The following LPAR5 variants were observed in gnomAD, a reference collection of about 807,000 sequenced individuals.
LPAR5 encodes lysophosphatidic acid receptor 5, also known as G protein-coupled receptor 92.
For synonymous variants in LPAR5, 271 were observed against 261.6 expected (o/e 1.04, Z -0.35); for missense variants, 544 against 521.8 (o/e 1.04, Z -0.41).
intron 1 of LPAR5, among the ~76,000 whole-genome samples, chr12:6,628,093 C>A (rs1239576516): frequency 1.4e-5 from 2 of 139,346 alleles, no homozygotes; most frequent in Non-Finnish European, 3.0e-5. Flanking sequence ...TCAATCTGGG[C>A]TCACTGCAAG....
chr12:6,632,529 C>T (rs946843518), intron 1 of LPAR5, among the ~76,000 whole-genome samples: 5 of 152,164 alleles, frequency 3.3e-5, no homozygotes, highest in South Asian at 2.1e-4. Flanking sequence ...GTTCAGGCAG[C>T]GCTGGGAGGA....
chr12:6,620,657 G>A lies in LPAR5; in HGVS notation c.592C>T (p.Leu198=). 1 of 1,557,556 alleles carries A rather than the reference G, an allele frequency of 6.4e-7. No individual in the cohort carries two copies. Among genetic ancestry groups the A allele is most frequent in the Non-Finnish European group, 8.7e-7 (1 of 1,151,104 alleles). Residue 198 remains leucine (L), a synonymous_variant, in exon 2 of 2, where the codon CTG becomes TTG. Transcript: ENST00000329858. This position sits in a 1 kb window ranked among gnomAD's most constrained non-coding sequence, Gnocchi z 6.8. ...LLPLVLLAEA[L]GFLLPLAAVV... ...GCCGCCAGGGGCAGCAGGAAGCCCA[G>A]CGCCTCGGCCAGCAGCACGAGGGGC...
intron 1 of LPAR5, among the ~76,000 whole-genome samples, chr12:6,626,082 C>T (rs1948937651): frequency 1.3e-5 from 2 of 151,932 alleles, no homozygotes; most frequent in South Asian, 4.2e-4. Flanking sequence ...CCAGCCTAGC[C>T]AACATGGTGA....
In LPAR5 at chr12:6,619,916, G is replaced by GC. The variant is rs1279588277; in HGVS notation, c.*213dup. On this transcript the variant is annotated 3_prime_UTR_variant, in exon 2 of 2. Coordinates refer to ENST00000329858, the MANE Select transcript of LPAR5 (RefSeq NM_020400.6). ...CACTTCCCACCGCTGGAGAAGGGGT[G>GC]CTCTGCGTGCTCACAGTTTAAAGAA... is the stretch of plus-strand genomic sequence containing the variant. 2.7e-6 allele frequency: 2 copies of GC among 732,660 alleles called. No homozygotes were observed. Among genetic ancestry groups the GC allele is most frequent in the African/African-American group, 3.5e-5 (2 of 57,720 alleles). The allele number at this position is 732,660 out of a possible 1,614,324, so 45.4% of individuals were successfully genotyped here.
At position 6,620,520 on chromosome 12, in the gene LPAR5, G is replaced by T; in HGVS notation, c.729C>A (p.Phe243Leu). ...TGTTGTAGGGCACGAAGCACAGCAG[G>T]AAGATGACGAGGTTAGCCAGCAGGA... ...VRLLLANLVI[F>L]LLCFVPYNST... Residue 243 changes from phenylalanine to leucine, a missense_variant, in exon 2 of 2, where the codon TTC (phenylalanine) becomes TTA (leucine). Physicochemically the swap from Phe to Leu is conservative, Grantham distance 22 (BLOSUM62 0). Transcript: ENST00000329858. The surrounding 1 kb of genome is among the most constrained non-coding windows in gnomAD (Gnocchi z 6.8). 1 of 1,580,874 alleles carries T rather than the reference G, an allele frequency of 6.3e-7. No individual in the cohort carries two copies.
chr12:6,635,262 A>G (rs938510983), intron 1 of LPAR5, among the ~76,000 whole-genome samples: 1 of 152,092 alleles, frequency 6.6e-6, no homozygotes, highest in Admixed American at 6.6e-5. Flanking sequence ...ACCTCCGAAT[A>G]TGTCCCCCAC....
Position 6,620,500 on chromosome 12 carries a change from T to C in LPAR5, c.749A>G (p.Tyr250Cys), listed in dbSNP as rs1238958371. The change falls in exon 2 of 2, where the codon TAC (tyrosine) becomes TGC (cysteine). Residue 250 changes from tyrosine (Y) to cysteine (C), a missense_variant. By Grantham distance (194) the Tyr-to-Cys change is radical. Transcript: ENST00000329858. This position sits in a 1 kb window ranked among gnomAD's most constrained non-coding sequence, Gnocchi z 6.8. ...CCCGTAGACCGCCAGCGTGCTGTTGTAGGGCACGAAGCACAGCAGGAAGAT... is the reference window on the plus strand; with the variant it reads ...CCCGTAGACCGCCAGCGTGCTGTTGCAGGGCACGAAGCACAGCAGGAAGAT... ...LVIFLLCFVP[Y>C]NSTLAVYGLL... The C allele has an allele frequency of 3.2e-6, 5 of 1,586,802 alleles. No individual in the cohort carries two copies. Among genetic ancestry groups the C allele is most frequent in the African/African-American group, 1.3e-5 (1 of 74,356 alleles).
At position 6,620,415 on chromosome 12, in the gene LPAR5, C is replaced by T; in HGVS notation, c.834G>A (p.Val278=). The change falls in exon 2 of 2, where the codon GTG becomes GTA. Residue 278 remains valine (V), a synonymous_variant. Coordinates refer to ENST00000329858, the MANE Select transcript of LPAR5 (RefSeq NM_020400.6). This position sits in a 1 kb window ranked among gnomAD's most constrained non-coding sequence, Gnocchi z 6.8. ...SVPARDRVRG[V]LMVMVLLAGA... is the part of the protein sequence containing the mutation. ...CGGCCAGCAGCACCATCACCATCAG[C>T]ACCCCGCGCACGCGATCGCGGGCAG... 2 of 1,609,172 alleles carry T rather than the reference C, an allele frequency of 1.2e-6. No individual in the cohort carries two copies. Among genetic ancestry groups the T allele is most frequent in the Non-Finnish European group, 1.7e-6 (2 of 1,178,194 alleles).
rs1165541469 is a variant in LPAR5 at position 6,620,410 on chromosome 12, A to C, written c.839T>G (p.Met280Arg). 6.2e-7 allele frequency: 1 copy of C among 1,610,670 alleles called. No individual in the cohort carries two copies. Among genetic ancestry groups the C allele is most frequent in the Non-Finnish European group, 8.5e-7 (1 of 1,178,808 alleles). Reference protein sequence around the residue: ...PARDRVRGVLMVMVLLAGANC... With the variant: ...PARDRVRGVLRVMVLLAGANC... ...GGCGCCGGCCAGCAGCACCATCACC[A>C]TCAGCACCCCGCGCACGCGATCGCG... Residue 280 changes from methionine (M) to arginine (R), a missense_variant, in exon 2 of 2, where the codon ATG (methionine) becomes AGG (arginine). Coordinates refer to ENST00000329858, the MANE Select transcript of LPAR5 (RefSeq NM_020400.6). This position sits in a 1 kb window ranked among gnomAD's most constrained non-coding sequence, Gnocchi z 6.8.
chr12:6,620,790 G>A lies in LPAR5; in HGVS notation c.459C>T (p.Ala153=), dbSNP rs3741924. ...GCCTGTGCACGCGGGCGGCGGGCAC[G>A]GCAAACACCAGGATGAGCGCCCACA... ...LGVWALILVF[A]VPAARVHRPS... is the part of the protein sequence containing the mutation. Residue 153 remains alanine (A), a synonymous_variant, in exon 2 of 2, where the codon GCC becomes GCT. Transcript: ENST00000329858. This position sits in a 1 kb window ranked among gnomAD's most constrained non-coding sequence, Gnocchi z 6.8. The A allele has an allele frequency of 0.019, 29,862 of 1,580,442 alleles. 350 individuals carry two copies. Among genetic ancestry groups the A allele is most frequent in the East Asian group, 0.031 (1,373 of 43,748 alleles).
At chr12:6,621,595 G>A (rs113716490) in intron 1 of LPAR5, 131 bp from the exon 2 acceptor site, 6 of 220,568 alleles carry the variant, frequency 2.7e-5, no homozygotes, top group African/African-American at 6.9e-5. Flanking sequence ...AGGTTCCTAC[G>A]GCAGGACTAT....
At chr12:6,626,932 A>G (rs1948945161) in intron 1 of LPAR5, among the ~76,000 whole-genome samples, 1 of 152,160 alleles carries the variant, frequency 6.6e-6, no homozygotes, top group South Asian at 2.1e-4. Context: ...GAACTCTTAG[A>G]GGGAGGGGCT....
intron 1 of LPAR5, among the ~76,000 whole-genome samples, chr12:6,621,792 T>C (rs555734354): frequency 6.6e-6 from 1 of 152,042 alleles, no homozygotes; most frequent in South Asian, 2.1e-4. Context: ...AACCTAGGAG[T>C]TGGGGACCAG....
intron 1 of LPAR5, among the ~76,000 whole-genome samples, chr12:6,632,314 C>T (rs890456846): frequency 6.6e-6 from 1 of 152,126 alleles, no homozygotes. Context: ...CCCCTGACTC[C>T]AATTCCTAGG....
intron 1 of LPAR5, among the ~76,000 whole-genome samples, chr12:6,630,791 C>G (rs1423388295): frequency 2.0e-5 from 3 of 152,100 alleles, no homozygotes; most frequent in African/African-American, 7.2e-5. Context: ...GTCAAAAAGC[C>G]GCCTCTTTCT....
At chr12:6,625,722 A>T (rs1262177338) in intron 1 of LPAR5, among the ~76,000 whole-genome samples, 1 of 150,210 alleles carries the variant, frequency 6.7e-6, no homozygotes, top group African/African-American at 2.4e-5. Flanking sequence ...CTCCGTCTCA[A>T]AAAAAAAAAA....
intron 1 of LPAR5, among the ~76,000 whole-genome samples, chr12:6,623,088 A>G (rs2136241031): frequency 6.6e-6 from 1 of 152,218 alleles, no homozygotes; most frequent in Admixed American, 6.5e-5. Context: ...AAATACAAAA[A>G]TTAGCCAGAT....
intron 1 of LPAR5, among the ~76,000 whole-genome samples, chr12:6,633,914 C>T (rs1948995856): frequency 6.6e-6 from 1 of 152,172 alleles, no homozygotes; most frequent in South Asian, 2.1e-4. Flanking sequence ...ACCTCAATCC[C>T]TGCCTCCATG....
chr12:6,628,555 G>A (rs1410392529), intron 1 of LPAR5, among the ~76,000 whole-genome samples: 1 of 151,952 alleles, frequency 6.6e-6, no homozygotes, highest in Non-Finnish European at 1.5e-5. Context: ...CCGCCTCCCG[G>A]GTTCAAGTGA....
Sources: gnomAD v4.1 joint callset for allele counts (sites outside exome capture counted in the v4.1 genomes callset) on GRCh38, gnomAD v4.1.1 for gene constraint, Gnocchi (gnomAD v3.1) non-coding constraint, MANE v1.5 for transcripts, NCBI Gene and HGNC (gene_info 2026-07-23, HGNC 2026-07-21) for gene names.